The following CADPS variants were observed in gnomAD, a reference collection of about 807,000 sequenced individuals.
CADPS encodes the protein calcium dependent secretion activator.
A neutral mutation model predicts 167.3 loss-of-function variants in CADPS; 57 were observed. The observed-to-expected ratio is 0.34, with a 90% CI of 0.28 to 0.42. The LOEUF is 0.42. Ranked by LOEUF, CADPS falls within the 20% of genes least tolerant of loss-of-function variation. The pLI, the probability that CADPS is intolerant of heterozygous loss-of-function variation, is 1.00. For missense variants in CADPS, 1,414 were observed against 1,738.1 expected, an observed-to-expected ratio of 0.81 and a Z score of 3.32; for synonymous variants, 676 against 635.3, an observed-to-expected ratio of 1.06 and a Z score of -0.96.
chr3:62,556,711 G>A (rs949112361), intron 10 of CADPS, among the ~76,000 whole-genome samples: 1 of 151,894 alleles, frequency 6.6e-6, no homozygotes, highest in Non-Finnish European at 1.5e-5. Context: ...AAAATGGGTG[G>A]GGGGAGAGGT....
intron 1 of CADPS, among the ~76,000 whole-genome samples, chr3:62,770,430 T>C (rs1318270388): frequency 6.6e-6 from 1 of 152,156 alleles, no homozygotes; most frequent in Non-Finnish European, 1.5e-5. Flanking sequence ...TTTTTGTTTG[T>C]TTGTTTGTTT....
intron 6 of CADPS, among the ~76,000 whole-genome samples, chr3:62,594,554 C>G (rs1295102718): frequency 6.6e-6 from 1 of 152,084 alleles, no homozygotes; most frequent in Non-Finnish European, 1.5e-5. Flanking sequence ...TAGAATTGAA[C>G]ATTAATTTTG....
chr3:62,610,886 G>C (rs2061415715), intron 6 of CADPS, among the ~76,000 whole-genome samples: 1 of 151,314 alleles, frequency 6.6e-6, no homozygotes, highest in South Asian at 2.1e-4. Context: ...TTGGGAGGGG[G>C]GTGTGGGGGG....
At chr3:62,546,417 C>T (rs1403384892) in intron 11 of CADPS, among the ~76,000 whole-genome samples, 2 of 152,044 alleles carry the variant, frequency 1.3e-5, no homozygotes, top group East Asian at 1.9e-4. Context: ...GACTTGGTCA[C>T]GGTAAGTATG....
Position 62,575,902 on chromosome 3 carries a change from G to A in CADPS, c.1578-4964C>T, listed in dbSNP as rs986695712. 3.9e-5 allele frequency among the ~76,000 whole-genome samples: 6 copies of A among 152,274 alleles called. 1 individual carries two copies. The highest frequency in any genetic ancestry group is 4.8e-5 in the African/African-American group (2 of 41,558). ...GGGCTTTCCCTCTGAGGTTTTCCTC[G>A]GAATTTATTGCTAATTTGGCACATA... On this transcript the variant is annotated intron_variant, in intron 8 of 29. Coordinates refer to ENST00000383710, the MANE Select transcript of CADPS (RefSeq NM_003716.4).
At chr3:62,743,603 G>T (rs1411564189) in intron 3 of CADPS, among the ~76,000 whole-genome samples, 1 of 152,146 alleles carries the variant, frequency 6.6e-6, no homozygotes, top group Non-Finnish European at 1.5e-5. Context: ...TCACACAAAA[G>T]CATGACAAGA....
intron 6 of CADPS, among the ~76,000 whole-genome samples, chr3:62,604,051 C>T (rs544644392): frequency 3.3e-5 from 5 of 151,820 alleles, no homozygotes; most frequent in East Asian, 3.9e-4. Context: ...AGGATGGTCT[C>T]GATCTCCTGA....
chr3:62,457,868 G>T (rs2058878717), intron 26 of CADPS, among the ~76,000 whole-genome samples: 1 of 152,122 alleles, frequency 6.6e-6, no homozygotes, highest in Admixed American at 6.6e-5. Flanking sequence ...TCTCATAAGT[G>T]GGAGTTGAAC....
intron 3 of CADPS, among the ~76,000 whole-genome samples, chr3:62,716,169 C>T (rs1465940770): frequency 6.6e-6 from 1 of 152,136 alleles, no homozygotes; most frequent in African/African-American, 2.4e-5. Flanking sequence ...AAGTGATTCT[C>T]GTGCATCAGC....
intron 4 of CADPS, among the ~76,000 whole-genome samples, chr3:62,653,336 G>C (rs2070719519): frequency 6.6e-6 from 1 of 152,048 alleles, no homozygotes; most frequent in Non-Finnish European, 1.5e-5. Context: ...AGCATGTGAG[G>C]ACCTGGTAAA....
chr3:62,721,525 A>G (rs2075826199), intron 3 of CADPS, among the ~76,000 whole-genome samples: 1 of 152,104 alleles, frequency 6.6e-6, no homozygotes, highest in African/African-American at 2.4e-5. Flanking sequence ...AGAGATTCAG[A>G]AAACACTTTA....
chr3:62,670,984 C>T (rs1027920128), intron 3 of CADPS, among the ~76,000 whole-genome samples: 4 of 152,200 alleles, frequency 2.6e-5, no homozygotes, highest in African/African-American at 9.7e-5. Flanking sequence ...TAGTCAGAGA[C>T]CCAGGAGCTG....
chr3:62,617,163 C>T (rs2062445714), intron 6 of CADPS, among the ~76,000 whole-genome samples: 1 of 152,100 alleles, frequency 6.6e-6, no homozygotes, highest in Non-Finnish European at 1.5e-5. Flanking sequence ...GAGAGCTACA[C>T]AGAGGAACTA....
chr3:62,725,338 G>T (rs746436012), intron 3 of CADPS, among the ~76,000 whole-genome samples: 4 of 152,194 alleles, frequency 2.6e-5, no homozygotes, highest in Admixed American at 6.5e-5. Flanking sequence ...AGTGACACAT[G>T]ACTAATGATT....
At chr3:62,426,132 G>T (rs2052608361) in intron 28 of CADPS, among the ~76,000 whole-genome samples, 1 of 152,072 alleles carries the variant, frequency 6.6e-6, no homozygotes, top group South Asian at 2.1e-4. Context: ...TTAGGAAAGG[G>T]TGTGGGGTGT....
chr3:62,605,149 G>A (rs2060516449), intron 6 of CADPS, among the ~76,000 whole-genome samples: 1 of 152,134 alleles, frequency 6.6e-6, no homozygotes, highest in South Asian at 2.1e-4. Flanking sequence ...CTAGGCAAAA[G>A]CCACTGACAG....
intron 1 of CADPS, among the ~76,000 whole-genome samples, chr3:62,768,452 A>G (rs2087539886): frequency 6.6e-6 from 1 of 152,202 alleles, no homozygotes; most frequent in Non-Finnish European, 1.5e-5. Context: ...AATTATGCAC[A>G]TACCATATGA....
intron 18 of CADPS, among the ~76,000 whole-genome samples, chr3:62,495,015 C>T (rs2064453427): frequency 6.6e-6 from 1 of 152,118 alleles, no homozygotes; most frequent in South Asian, 2.1e-4. Flanking sequence ...TAAGAAGTGC[C>T]ACTTCTACGA....
At chr3:62,679,332 C>A (rs893434825) in intron 3 of CADPS, among the ~76,000 whole-genome samples, 1 of 151,986 alleles carries the variant, frequency 6.6e-6, no homozygotes, top group African/African-American at 2.4e-5. Flanking sequence ...TGAACTAGGG[C>A]CATCTTACTG....
Sources: gnomAD v4.1 joint callset for allele counts (sites outside exome capture counted in the v4.1 genomes callset) on GRCh38, gnomAD v4.1.1 for gene constraint, MANE v1.5 for transcripts, NCBI Gene and HGNC (gene_info 2026-07-23, HGNC 2026-07-21) for gene names.